Variants in ARV1 observed in about 807,000 individuals in gnomAD.
The protein encoded by ARV1 is ARV1 fatty acid homeostasis modulator.
Under a neutral mutation model 31.1 loss-of-function variants are expected in ARV1, and 26 were observed. The ratio of observed to expected loss-of-function variants is 0.84; its 90% CI spans 0.61 to 1.16. The LOEUF (loss-of-function observed/expected upper bound fraction) is 1.16. Among genes scored for constraint, ARV1 ranks in the 50% most tolerant of loss-of-function variants. The pLI is 0.00. For missense variants in ARV1, 281 were observed against 324.9 expected, an observed-to-expected ratio of 0.86 and a Z score of 1.04; for synonymous variants, 117 against 123.2, an observed-to-expected ratio of 0.95 and a Z score of 0.34.
chr1:230,984,971 G>A (rs914436637), intron 1 of ARV1, among the ~76,000 whole-genome samples: 9 of 152,154 alleles, frequency 5.9e-5, no homozygotes, highest in African/African-American at 1.9e-4. Context: ...AACTCCTTAC[G>A]GAAGGGGGTT....
In ARV1 at chr1:230,982,840, G is replaced by C. The variant is rs114356047; in HGVS notation, c.174+3561G>C. Among the ~76,000 whole-genome samples, 1,003 of 152,286 alleles carry C rather than the reference G, an allele frequency of 6.6e-3. 9 individuals are homozygous for C. The highest frequency in any genetic ancestry group is 0.023 in the African/African-American group (954 of 41,550). The stretch of plus-strand genomic sequence containing the variant: ...AAGAAGTTTTTAAACATTAGACCAT[G>C]TGTTGTGACATAATCTCCAGAGTTT... On this transcript the variant is annotated intron_variant, in intron 1 of 5. Coordinates refer to ENST00000310256, the MANE Select transcript of ARV1 (RefSeq NM_022786.3).
chr1:230,986,174 G>A lies in ARV1; in HGVS notation c.175-2146G>A, dbSNP rs1023367145. ...CCTGACCTCGTGATCCACCTGCCTC[G>A]GACTCCCAAAAGTGCTGGGATTACA... On this transcript the variant is annotated intron_variant, in intron 1 of 5. Coordinates refer to ENST00000310256, the MANE Select transcript of ARV1 (RefSeq NM_022786.3). Among the ~76,000 whole-genome samples, 4 of 151,840 alleles carry A rather than the reference G, an allele frequency of 2.6e-5. No individual in the cohort carries two copies. In the East Asian group the frequency reaches 5.8e-4, roughly 22 times the overall value.
At chr1:230,984,359 T>TGTGTGCGCGCGC (rs71179756) in intron 1 of ARV1, among the ~76,000 whole-genome samples, 2 of 93,450 alleles carry the variant, frequency 2.1e-5, no homozygotes, top group Non-Finnish European at 4.4e-5. Flanking sequence ...TGTGTGTGTG[T>TGTGTGCGCGCGC]GTGCGTGTGT....
At chr1:230,994,680 T>G (rs1679314266) in intron 3 of ARV1, among the ~76,000 whole-genome samples, 1 of 152,126 alleles carries the variant, frequency 6.6e-6, no homozygotes, top group South Asian at 2.1e-4. Flanking sequence ...TAGCTGGGAC[T>G]ACAGGCGCCT....
At chr1:230,997,893 C>G (rs1484012982) in intron 5 of ARV1, among the ~76,000 whole-genome samples, 1 of 152,194 alleles carries the variant, frequency 6.6e-6, no homozygotes, top group Non-Finnish European at 1.5e-5. Flanking sequence ...AGATGTCATG[C>G]TGCTCCTGTG....
chr1:230,981,511 T>C (rs956198987), intron 1 of ARV1, among the ~76,000 whole-genome samples: 1 of 152,342 alleles, frequency 6.6e-6, no homozygotes, highest in Admixed American at 6.5e-5. Context: ...CTTCAAATTA[T>C]GTTCAGAATC....
Position 230,995,836 on chromosome 1 carries a change from C to T in ARV1, c.525C>T (p.Asn175=). The part of the protein sequence containing the change: ...ERPMTAKKKP[N]FILLLKALLL... ...CCATGACGGCAAAAAAAAAGCCCAA[C>T]TTCATTTTGCTGCTGAAAGCATTAT... The change falls in exon 4 of 6, where the codon AAC becomes AAT. Residue 175 remains asparagine (N), a synonymous_variant. Transcript: ENST00000310256. 6.2e-7 allele frequency: 1 copy of T among 1,614,070 alleles called. No homozygotes were observed. Among genetic ancestry groups the T allele is most frequent in the South Asian group, 1.1e-5 (1 of 91,084 alleles).
rs10864649 is a variant in ARV1 at position 230,996,851 on chromosome 1, G to C, written c.674-270G>C. ...GTTGTTGTCGTTATTCTCTTATAGC[G>C]TTAGAATTTTTTGTTTTCTCCTTTG... On this transcript the variant is annotated intron_variant, in intron 4 of 5. Transcript: ENST00000310256. Among the ~76,000 whole-genome samples the C allele has an allele frequency of 0.36, 55,449 of 151,990 alleles. 10,416 individuals are homozygous for C. Among genetic ancestry groups the C allele is most frequent in the African/African-American group, 0.43 (17,822 of 41,430 alleles).
At chr1:230,994,108 A>G (rs1679300669) in intron 3 of ARV1, among the ~76,000 whole-genome samples, 2 of 152,218 alleles carry the variant, frequency 1.3e-5, no homozygotes, top group Non-Finnish European at 2.9e-5. Flanking sequence ...GACCCCCTTC[A>G]GTGTTTTCCA....
chr1:230,986,666 CTAT>C (rs1380223488), intron 1 of ARV1, among the ~76,000 whole-genome samples: 169 of 79,696 alleles, frequency 2.1e-3, no homozygotes, highest in East Asian at 3.7e-3. Flanking sequence ...AATACTTTTC[CTAT>C]TTTTTTTTTT....
intron 5 of ARV1, 35 bp downstream of exon 5, chr1:230,997,302 A>G (rs758616566): frequency 6.2e-7 from 1 of 1,602,246 alleles, no homozygotes; most frequent in South Asian, 1.1e-5. Context: ...GCATTCAGAC[A>G]TGTAGCCTTC....
intron 1 of ARV1, among the ~76,000 whole-genome samples, chr1:230,986,105 G>A (rs550842213): frequency 8.8e-4 from 130 of 148,530 alleles, no homozygotes; most frequent in African/African-American, 3.1e-3. Context: ...TTTTTTTTTA[G>A]TAGAGATGGG....
rs140522273 is a variant in ARV1 at position 230,981,778 on chromosome 1, G to A, written c.174+2499G>A. Among the ~76,000 whole-genome samples the A allele has an allele frequency of 9.9e-5, 15 of 152,244 alleles. No homozygotes were observed. In the East Asian group the frequency reaches 2.3e-3, roughly 24 times the overall value. The stretch of plus-strand genomic sequence containing the variant: ...CCTGAACTGGCTTATAAGGCCCTAT[G>A]GAGTCTCCTGCTACTCTTTCCCTTC... On this transcript the variant is annotated intron_variant, in intron 1 of 5. Coordinates refer to ENST00000310256, the MANE Select transcript of ARV1 (RefSeq NM_022786.3).
intron 1 of ARV1, among the ~76,000 whole-genome samples, chr1:230,983,940 A>G (rs1050788101): frequency 6.6e-6 from 1 of 152,242 alleles, no homozygotes; most frequent in Non-Finnish European, 1.5e-5. Context: ...CATAGGAAAC[A>G]TAGTTGCTAA....
chr1:230,993,994 G>A lies in ARV1; in HGVS notation c.449-1766G>A, dbSNP rs112354288. ...TTTTCACAATCATCCTCTGAGGTAGGTAGGTTAGGGGTTCCCCCATCTATA... is the reference window on the plus strand; with the variant it reads ...TTTTCACAATCATCCTCTGAGGTAGATAGGTTAGGGGTTCCCCCATCTATA... On this transcript the variant is annotated intron_variant, in intron 3 of 5. Transcript: ENST00000310256. Among the ~76,000 whole-genome samples, 934 of 152,348 alleles carry A rather than the reference G, an allele frequency of 6.1e-3. 7 individuals are homozygous for A. Among genetic ancestry groups the A allele is most frequent in the African/African-American group, 0.021 (875 of 41,574 alleles).
intron 1 of ARV1, among the ~76,000 whole-genome samples, chr1:230,981,681 T>C (rs1477256695): frequency 6.6e-5 from 10 of 152,238 alleles, no homozygotes; most frequent in African/African-American, 2.4e-4. Flanking sequence ...TTTAAAAATG[T>C]AATTTAGATC....
chr1:230,994,605 A>G (rs1013557766), intron 3 of ARV1, among the ~76,000 whole-genome samples: 1 of 150,242 alleles, frequency 6.7e-6, no homozygotes, highest in Non-Finnish European at 1.5e-5. Context: ...GCAGTGGCAC[A>G]ATCTCGGCTC....
intron 3 of ARV1, among the ~76,000 whole-genome samples, chr1:230,991,631 CTTTT>C (rs35843547): frequency 7.5e-6 from 1 of 133,016 alleles, no homozygotes. Context: ...AGTACTTCTA[CTTTT>C]TTTTTTTTTT....
rs369520341 is a variant in ARV1 at position 230,990,296 on chromosome 1, A to G, written c.448+33A>G. 20 of 1,609,338 alleles carry G rather than the reference A, an allele frequency of 1.2e-5. No homozygotes were observed. In the African/African-American group the frequency reaches 2.7e-4, roughly 22 times the overall value. On this transcript the variant is annotated intron_variant, in intron 3 of 5. Coordinates refer to ENST00000310256, the MANE Select transcript of ARV1 (RefSeq NM_022786.3). ...GATGCCATGCTTTCCATTCTTAGTTAACTATTCTTACTTAACTAATCTGGT... is the reference window on the plus strand; with the variant it reads ...GATGCCATGCTTTCCATTCTTAGTTGACTATTCTTACTTAACTAATCTGGT...
Sources: gnomAD v4.1 joint callset for allele counts (sites outside exome capture counted in the v4.1 genomes callset) on GRCh38, gnomAD v4.1.1 for gene constraint, MANE v1.5 for transcripts, NCBI Gene and HGNC (gene_info 2026-07-23, HGNC 2026-07-21) for gene names.